PARP3: variants seen among roughly 807,000 people sequenced by gnomAD.
PARP3 encodes protein mono-ADP-ribosyltransferase PARP3.
A neutral mutation model predicts 58.2 loss-of-function variants in PARP3; 46 were observed. That is an observed-to-expected ratio of 0.79 (90% CI 0.62 to 1.01). The LOEUF (loss-of-function observed/expected upper bound fraction) is 1.01, where lower values mean the gene tolerates loss of function less well. Among genes scored for constraint, PARP3 ranks in the 50% least tolerant of loss-of-function variants. PARP3 has a pLI of 0.00. For synonymous variants in PARP3, 252 were observed against 266.4 expected (o/e 0.95, Z 0.53); for missense variants, 663 against 683.9 (o/e 0.97, Z 0.34).
chr3:51,942,767 T>C (rs1699575438), intron 1 of PARP3, 59 bp downstream of exon 1: 1 of 1,545,800 alleles, frequency 6.5e-7, no homozygotes, highest in Admixed American at 2.0e-5. Context: ...GGGACTGGCC[T>C]TTGCCCTCTA....
chr3:51,948,507 G>A lies in PARP3; in HGVS notation c.*27G>A. ...TGCCCGCCCTGTCCCCCGGGGTCCT[G>A]CAAGGCTGGACTGTGATCTTCAATC... On this transcript the variant is annotated 3_prime_UTR_variant, in exon 11 of 11. Coordinates refer to ENST00000398755, the MANE Select transcript of PARP3 (RefSeq NM_001003931.4). 6.2e-7 allele frequency: 1 copy of A among 1,608,834 alleles called. No homozygotes were observed. The highest frequency in any genetic ancestry group is 8.5e-7 in the Non-Finnish European group (1 of 1,176,294).
rs1414656580 is a variant in PARP3, at chr3:51,942,640, G to T, written c.-71G>T. On this transcript the variant is annotated 5_prime_UTR_variant, in exon 1 of 11. Coordinates refer to ENST00000398755, the MANE Select transcript of PARP3 (RefSeq NM_001003931.4). ...ATGGAGAGTTGCTAGACCTGGGACT[G>T]CCCTGGGAGGCGCACACAACCAGGC... The T allele has an allele frequency of 2.8e-6, 3 of 1,055,818 alleles. No homozygotes were observed. Among genetic ancestry groups the T allele is most frequent in the Non-Finnish European group, 4.3e-6 (3 of 691,750 alleles). 65.4% of individuals were successfully genotyped at this position (1,055,818 alleles called of 1,614,324 possible).
At chr3:51,947,976 T>A in intron 10 of PARP3, 81 bp downstream of exon 10, 1 of 1,346,942 alleles carries the variant, frequency 7.4e-7, no homozygotes, top group Admixed American at 2.0e-5. Flanking sequence ...GAGGGGGCTG[T>A]GAAGAGGGAC....
rs142065339 is a variant in PARP3 at position 51,944,536 on chromosome 3, C to G, written c.459C>G (p.Ile153Met). The change falls in exon 4 of 11, where the codon ATC becomes ATG. Residue 153 changes from isoleucine to methionine, a missense_variant. Physicochemically the swap from Ile to Met is conservative, Grantham distance 10. Transcript: ENST00000398755. The surrounding 1 kb of genome is among the most constrained non-coding windows in gnomAD (Gnocchi z 4.2). ...FVSHPGKYTL[I>M]EVQAEDEAQE... ...CTCACCCGGGCAAGTACACACTTATCGAAGTACAGGCAGAGGATGAGGCCC... is the reference window on the plus strand; with the variant it reads ...CTCACCCGGGCAAGTACACACTTATGGAAGTACAGGCAGAGGATGAGGCCC... The G allele has an allele frequency of 1.3e-4, 214 of 1,614,062 alleles. No individual in the cohort carries two copies. Among genetic ancestry groups the G allele is most frequent in the Non-Finnish European group, 1.7e-4 (198 of 1,180,028 alleles).
intron 9 of PARP3, among the ~76,000 whole-genome samples, chr3:51,947,133 G>A (rs1699697906): frequency 6.6e-6 from 1 of 152,212 alleles, no homozygotes; most frequent in African/African-American, 2.4e-5. Context: ...TGGGGAGCGT[G>A]TGGGAAAGGG....
rs1699575731 is a variant in PARP3, at chr3:51,942,787, G to A, written c.-3+79G>A. 2.6e-6 allele frequency: 4 copies of A among 1,525,092 alleles called. No homozygotes were observed. In the Admixed American group the frequency reaches 6.3e-5, roughly 24 times the overall value. The allele number at this position is 1,525,092 out of a possible 1,614,324, so 94.5% of individuals were successfully genotyped here. On this transcript the variant is annotated intron_variant, in intron 1 of 10. Transcript: ENST00000398755. ...TGGCCTTTGCCCTCTATCAGTTCAA[G>A]GCCACTGATCCGGAGTTCTGGCTCC...
In PARP3 at chr3:51,944,337, A is replaced by G; in HGVS notation, c.313-53A>G. 2.5e-6 allele frequency: 4 copies of G among 1,607,258 alleles called. No homozygotes were observed. The highest frequency in any genetic ancestry group is 3.4e-6 in the Non-Finnish European group (4 of 1,175,132). On this transcript the variant is annotated intron_variant, in intron 3 of 10. Coordinates refer to ENST00000398755, the MANE Select transcript of PARP3 (RefSeq NM_001003931.4). This position sits in a 1 kb window ranked among gnomAD's most constrained non-coding sequence, Gnocchi z 4.2. ...CTCAGCACAGGGCCTGGCCCGACAC[A>G]CAGGCCAGCAAATGCTGATGGTGGG... is the stretch of plus-strand genomic sequence containing the variant.
Position 51,946,644 on chromosome 3 carries a change from A to C in PARP3, c.1276+301A>C, listed in dbSNP as rs1699682843. Among the ~76,000 whole-genome samples, 2 of 152,190 alleles carry C rather than the reference A, an allele frequency of 1.3e-5. No homozygotes were observed. Among genetic ancestry groups the C allele is most frequent in the African/African-American group, 2.4e-5 (1 of 41,452 alleles). On this transcript the variant is annotated intron_variant, in intron 9 of 10. Coordinates refer to ENST00000398755, the MANE Select transcript of PARP3 (RefSeq NM_001003931.4). The surrounding 1 kb of genome is among the most constrained non-coding windows in gnomAD (Gnocchi z 4.6). ...TGTGGTGGCATACACCTGTAGTTCC[A>C]TCTACTCTGGAGGCTGAGGCAGGAG...
Position 51,947,878 on chromosome 3 carries a change from G to A in PARP3, c.1415G>A (p.Arg472Gln), listed in dbSNP as rs200954849. 3.0e-4 allele frequency: 490 copies of A among 1,613,990 alleles called. 1 individual carries two copies. The African/African-American group carries it at 5.1e-3, about 17-fold the overall frequency. Residue 472 changes from arginine to glutamine, a missense_variant, in exon 10 of 11, where the codon CGA (arginine) becomes CAA (glutamine). Arg to Gln is a conservative substitution (Grantham distance 43). Transcript: ENST00000398755. ...PPPGFDSVIA[R>Q]GHTEPDPTQD... is the part of the protein sequence containing the mutation. ...CCTGGCTTCGACAGTGTCATTGCCCGAGGCCACACCGAGCCTGGTGAGTCC... is the reference window on the plus strand; with the variant it reads ...CCTGGCTTCGACAGTGTCATTGCCCAAGGCCACACCGAGCCTGGTGAGTCC...
rs1298401829 is a variant in PARP3 at position 51,945,558 on chromosome 3, G to C, written c.925G>C (p.Glu309Gln). ...AGTCTCTGAGCAGGAGAAGACGGTGGAGGAGGTGCCACACCCCCTGGACCG... is the reference window on the plus strand; with the variant it reads ...AGTCTCTGAGCAGGAGAAGACGGTGCAGGAGGTGCCACACCCCCTGGACCG... ...QAVSEQEKTV[E>Q]EVPHPLDRDY... Residue 309 changes from glutamate (E) to glutamine (Q), a missense_variant, in exon 7 of 11, where the codon GAG becomes CAG. Coordinates refer to ENST00000398755, the MANE Select transcript of PARP3 (RefSeq NM_001003931.4). 6.8e-6 allele frequency: 11 copies of C among 1,613,798 alleles called. No individual in the cohort carries two copies. Among genetic ancestry groups the C allele is most frequent in the Non-Finnish European group, 9.3e-6 (11 of 1,180,018 alleles).
At chr3:51,943,881 C>T (rs1699603935) in intron 2 of PARP3, among the ~76,000 whole-genome samples, 2 of 151,116 alleles carry the variant, frequency 1.3e-5, no homozygotes. Flanking sequence ...CCCCCCAGCA[C>T]CCCCCATACC....
chr3:51,945,706 C>A, intron 7 of PARP3, 62 bp downstream of exon 7: 1 of 1,577,368 alleles, frequency 6.3e-7, no homozygotes, highest in Non-Finnish European at 8.7e-7. Context: ...GCCCACCTGC[C>A]CTCGAGGTGC....
Position 51,946,872 on chromosome 3 carries a change from A to T in PARP3, c.1276+529A>T, listed in dbSNP as rs1221142630. On this transcript the variant is annotated intron_variant, in intron 9 of 10. Coordinates refer to ENST00000398755, the MANE Select transcript of PARP3 (RefSeq NM_001003931.4). The surrounding 1 kb of genome is among the most constrained non-coding windows in gnomAD (Gnocchi z 4.6). ...CTTCCTGATACTGGAGCTCAGAGCA[A>T]TGCCTAGCCGGGGGCAGGGTGGGCT... 6.6e-6 allele frequency among the ~76,000 whole-genome samples: 1 copy of T among 152,228 alleles called. No individual in the cohort carries two copies. Among genetic ancestry groups the T allele is most frequent in the African/African-American group, 2.4e-5 (1 of 41,462 alleles).
rs762974120 is a variant in PARP3 at position 51,945,459 on chromosome 3, A to G, written c.862-36A>G. 4 of 1,605,604 alleles carry G rather than the reference A, an allele frequency of 2.5e-6. No homozygotes were observed. The South Asian group carries it at 3.3e-5, about 13-fold the overall frequency. On this transcript the variant is annotated intron_variant, in intron 6 of 10. Transcript: ENST00000398755. ...AGAGGAGAGGGGAGGCCAGAGGTCA[A>G]GTGGGAAGACAAACTGCCAGGGCCC... is the stretch of plus-strand genomic sequence containing the variant.
At position 51,944,830 on chromosome 3, in the gene PARP3, T is replaced by G. The variant is rs1385031033; in HGVS notation, c.554T>G (p.Leu185Arg). 5 of 1,613,934 alleles carry G rather than the reference T, an allele frequency of 3.1e-6. No homozygotes were observed. In the Middle Eastern group the frequency reaches 5.0e-4, roughly 160 times the overall value. ...TVTKRVQPCS[L>R]DPATQKLITN... ...ACTAAGCGGGTGCAGCCCTGCTCCCTGGACCCAGCCACGCAGAAGCTCATC... is the reference window on the plus strand; with the variant it reads ...ACTAAGCGGGTGCAGCCCTGCTCCCGGGACCCAGCCACGCAGAAGCTCATC... The change falls in exon 5 of 11, where the codon CTG becomes CGG. Residue 185 changes from leucine to arginine, a missense_variant. Around this residue, in one of 3 missense-constraint regions of PARP3, gnomAD observed 567 missense variants for 553.6 expected, o/e 1.02. Transcript: ENST00000398755. This position sits in a 1 kb window ranked among gnomAD's most constrained non-coding sequence, Gnocchi z 4.2.
chr3:51,946,464 T>C lies in PARP3; in HGVS notation c.1276+121T>C. ...GAGGAATCCTTTAATGGTTAATGAC[T>C]ACAGTGCTCAGTGGGCTGTCCTGGG... On this transcript the variant is annotated intron_variant, in intron 9 of 10. Coordinates refer to ENST00000398755, the MANE Select transcript of PARP3 (RefSeq NM_001003931.4). This position sits in a 1 kb window ranked among gnomAD's most constrained non-coding sequence, Gnocchi z 4.6. The C allele has an allele frequency of 1.2e-6, 1 of 821,402 alleles. No homozygotes were observed. Among genetic ancestry groups the C allele is most frequent in the African/African-American group, 1.7e-5 (1 of 57,910 alleles). 50.9% of individuals were successfully genotyped at this position (821,402 alleles called of 1,614,324 possible). A position where few individuals can be genotyped will look rare whatever the true frequency, so the allele number is the denominator to read the frequency against.
At position 51,947,488 on chromosome 3, in the gene PARP3, C is replaced by T. The variant is rs917235618; in HGVS notation, c.1277-252C>T. Reference sequence around the variant, plus strand: ...AGGCCAGGGAGAAAAGCCCCTGCCACGGGTTTGGTCACTGGGAGGCCATTG... The same window carrying T: ...AGGCCAGGGAGAAAAGCCCCTGCCATGGGTTTGGTCACTGGGAGGCCATTG... On this transcript the variant is annotated intron_variant, in intron 9 of 10. Transcript: ENST00000398755. The T allele has an allele frequency of 3.9e-5, 20 of 510,714 alleles. 1 individual carries two copies. Among genetic ancestry groups the T allele is most frequent in the East Asian group, 2.3e-4 (7 of 29,994 alleles). The allele number at this position is 510,714 out of a possible 1,614,324, so 31.6% of individuals were successfully genotyped here.
rs1439268237 is a variant in PARP3, at chr3:51,947,502, G to A, written c.1277-238G>A. The A allele has an allele frequency of 1.1e-5, 6 of 546,430 alleles. No individual in the cohort carries two copies. In the African/African-American group the frequency reaches 1.1e-4, roughly 10 times the overall value. 33.8% of individuals were successfully genotyped at this position (546,430 alleles called of 1,614,324 possible). On this transcript the variant is annotated intron_variant, in intron 9 of 10. Transcript: ENST00000398755. ...AGCCCCTGCCACGGGTTTGGTCACT[G>A]GGAGGCCATTGCTGACCTTGGTGAG...
Position 51,948,557 on chromosome 3 carries a change from A to G in PARP3, c.*77A>G, listed in dbSNP as rs1476152825. 3.2e-6 allele frequency: 4 copies of G among 1,256,870 alleles called. No homozygotes were observed. Among genetic ancestry groups the G allele is most frequent in the Non-Finnish European group, 4.5e-6 (4 of 880,684 alleles). The allele number at this position is 1,256,870 out of a possible 1,614,324, so 77.9% of individuals were successfully genotyped here. ...CATCCTGCCCATCTCTGGTACCCCT[A>G]TATCACTCCTTTTTTTCAAGAATAC... On this transcript the variant is annotated 3_prime_UTR_variant, in exon 11 of 11. Transcript: ENST00000398755.
Sources: gnomAD v4.1 joint callset for allele counts (sites outside exome capture counted in the v4.1 genomes callset) on GRCh38, gnomAD v4.1.1 for gene constraint, gnomAD v4.1.1 regional missense constraint, Gnocchi (gnomAD v3.1) non-coding constraint, MANE v1.5 for transcripts, NCBI Gene and HGNC (gene_info 2026-07-23, HGNC 2026-07-21) for gene names.